Variants in SCFD2 observed in about 807,000 individuals in gnomAD.
SCFD2 encodes sec1 family domain containing 2.
SCFD2 carries 54 observed loss-of-function variants against 58.9 expected under a neutral mutation model. That is an observed-to-expected ratio of 0.92 (90% CI 0.74 to 1.15). The LOEUF (loss-of-function observed/expected upper bound fraction) is 1.15. Among genes scored for constraint, SCFD2 ranks in the 50% most tolerant of loss-of-function variants. The pLI, the probability that SCFD2 is intolerant of heterozygous loss-of-function variation, is 0.00. For missense variants in SCFD2, 805 were observed against 836.6 expected (o/e 0.96, Z 0.47); for synonymous variants, 321 against 335.9 (o/e 0.96, Z 0.49).
chr4:53,215,317 C>G (rs1355423670), intron 4 of SCFD2, among the ~76,000 whole-genome samples: 2 of 152,228 alleles, frequency 1.3e-5, no homozygotes, highest in South Asian at 2.1e-4. Context: ...TTTGTATCCT[C>G]TTTTATTTCA....
chr4:53,026,877 A>T (rs1226905055), intron 5 of SCFD2, among the ~76,000 whole-genome samples: 1 of 152,252 alleles, frequency 6.6e-6, no homozygotes, highest in African/African-American at 2.4e-5. Flanking sequence ...CAAATTCCAA[A>T]GTTGACAATG....
At chr4:53,287,081 G>A (rs775704374) in intron 3 of SCFD2, among the ~76,000 whole-genome samples, 2 of 152,160 alleles carry the variant, frequency 1.3e-5, no homozygotes, top group Non-Finnish European at 2.9e-5. Flanking sequence ...TAGGACCAGA[G>A]TCACAGACAT....
At chr4:52,967,035 C>T (rs796576335) in intron 5 of SCFD2, among the ~76,000 whole-genome samples, 35 of 152,320 alleles carry the variant, frequency 2.3e-4, no homozygotes, top group African/African-American at 7.7e-4. Context: ...AAACACCATC[C>T]ATTTTACTTT....
Position 53,317,074 on chromosome 4 carries a change from T to C in SCFD2, c.1008-3311A>G, listed in dbSNP as rs1219355771. Among the ~76,000 whole-genome samples the C allele has an allele frequency of 2.1e-5, 3 of 146,136 alleles. No individual in the cohort carries two copies. In the East Asian group the frequency reaches 6.0e-4, roughly 29 times the overall value. On this transcript the variant is annotated intron_variant, in intron 2 of 8. Coordinates refer to ENST00000401642, the MANE Select transcript of SCFD2 (RefSeq NM_152540.4). ...GTGAGCCAAGATCATACCACTGCAC[T>C]CCAGCCTAGGCAACAGAACGAGACT...
intron 4 of SCFD2, among the ~76,000 whole-genome samples, chr4:53,254,819 TA>T (rs1415023911): frequency 1.3e-3 from 84 of 65,516 alleles, no homozygotes; most frequent in Non-Finnish European, 2.2e-3. Flanking sequence ...TATTTTATTT[TA>T]TTTTATTTTA....
intron 4 of SCFD2, among the ~76,000 whole-genome samples, chr4:53,216,480 AT>A (rs1329041936): frequency 6.6e-6 from 1 of 152,012 alleles, no homozygotes; most frequent in Non-Finnish European, 1.5e-5. Flanking sequence ...TTTCTGTGGG[AT>A]TGGTGGTGAT....
chr4:53,227,739 T>G (rs935719396), intron 4 of SCFD2, among the ~76,000 whole-genome samples: 21 of 152,022 alleles, frequency 1.4e-4, no homozygotes, highest in African/African-American at 5.1e-4. Context: ...CCAAACGAAA[T>G]TCCAGGGTAT....
At chr4:53,246,995 A>AC (rs1210179609) in intron 4 of SCFD2, among the ~76,000 whole-genome samples, 1 of 128,002 alleles carries the variant, frequency 7.8e-6, no homozygotes, top group Non-Finnish European at 1.7e-5. Context: ...TAAAAAATTT[A>AC]CAAAAAAAAA....
intron 5 of SCFD2, among the ~76,000 whole-genome samples, chr4:53,139,968 G>C (rs1331476667): frequency 6.6e-6 from 1 of 151,022 alleles, no homozygotes; most frequent in Admixed American, 6.6e-5. Flanking sequence ...GATTAAGGGC[G>C]GTGCAAGATG....
At chr4:53,233,314 G>A (rs1040765192) in intron 4 of SCFD2, among the ~76,000 whole-genome samples, 7 of 151,788 alleles carry the variant, frequency 4.6e-5, no homozygotes, top group African/African-American at 1.7e-4. Context: ...GTGTAGGGAA[G>A]CACAAACCAC....
intron 6 of SCFD2, among the ~76,000 whole-genome samples, chr4:52,920,096 C>T (rs1719699015): frequency 6.6e-6 from 1 of 152,312 alleles, no homozygotes; most frequent in East Asian, 1.9e-4. Flanking sequence ...GTGGCTCTAA[C>T]CTTTCTTTAT....
chr4:53,130,768 G>A (rs1006381160), intron 5 of SCFD2, among the ~76,000 whole-genome samples: 3 of 152,158 alleles, frequency 2.0e-5, no homozygotes, highest in Non-Finnish European at 4.4e-5. Context: ...ACCAAAAGTG[G>A]TTGGGGGTGA....
chr4:52,894,658 C>T lies in SCFD2; in HGVS notation c.1843-8792G>A, dbSNP rs148690250. ...GCCAAAGCTGTTTCTCCCTAGTTTGCTAGAACCACTCCCTAGTGGGCTTCA... is the reference window on the plus strand; with the variant it reads ...GCCAAAGCTGTTTCTCCCTAGTTTGTTAGAACCACTCCCTAGTGGGCTTCA... On this transcript the variant is annotated intron_variant, in intron 7 of 8. Coordinates refer to ENST00000401642, the MANE Select transcript of SCFD2 (RefSeq NM_152540.4). Among the ~76,000 whole-genome samples the T allele has an allele frequency of 3.0e-3, 456 of 152,300 alleles. 5 individuals are homozygous for T. Among genetic ancestry groups the T allele is most frequent in the African/African-American group, 0.01 (432 of 41,560 alleles).
chr4:53,314,182 T>C (rs368259674), intron 2 of SCFD2, among the ~76,000 whole-genome samples: 1 of 152,232 alleles, frequency 6.6e-6, no homozygotes, highest in South Asian at 2.1e-4. Context: ...GATTAAATAC[T>C]TGTCCAAGAA....
At chr4:53,329,025 T>C (rs1733322101) in intron 2 of SCFD2, among the ~76,000 whole-genome samples, 1 of 152,164 alleles carries the variant, frequency 6.6e-6, no homozygotes, top group Non-Finnish European at 1.5e-5. Context: ...CCGAATATTG[T>C]GCTTTTCGGA....
chr4:53,254,252 T>C (rs949052955), intron 4 of SCFD2, among the ~76,000 whole-genome samples: 2 of 152,098 alleles, frequency 1.3e-5, no homozygotes, highest in Non-Finnish European at 2.9e-5. Flanking sequence ...GTGGAGGTAA[T>C]TGGATCATGG....
At chr4:53,047,963 G>A (rs1723084883) in intron 5 of SCFD2, among the ~76,000 whole-genome samples, 1 of 152,154 alleles carries the variant, frequency 6.6e-6, no homozygotes. Context: ...TGTGTGTACT[G>A]TCTGGTGACT....
chr4:53,264,857 A>G (rs897867169), intron 4 of SCFD2, among the ~76,000 whole-genome samples: 1 of 152,232 alleles, frequency 6.6e-6, no homozygotes, highest in African/African-American at 2.4e-5. Context: ...CCAATAAAAT[A>G]GATGCCTATT....
At chr4:52,972,020 T>C (rs185214563) in intron 5 of SCFD2, among the ~76,000 whole-genome samples, 2 of 152,284 alleles carry the variant, frequency 1.3e-5, no homozygotes, top group East Asian at 3.9e-4. Flanking sequence ...AAGGAAGCAC[T>C]GAACATGGAA....
Sources: allele counts gnomAD v4.1 joint callset (sites outside exome capture counted in the v4.1 genomes callset), GRCh38; gene constraint gnomAD v4.1.1; transcripts MANE v1.5; gene names NCBI Gene and HGNC (gene_info 2026-07-23, HGNC 2026-07-21).